SYAP1: variants seen among roughly 807,000 people sequenced by gnomAD.
SYAP1 encodes the protein synapse-associated protein 1.
A neutral mutation model predicts 29.6 loss-of-function variants in SYAP1; 3 were observed. The ratio of observed to expected loss-of-function variants is 0.10; its 90% CI spans 0.05 to 0.26. SYAP1 has a LOEUF of 0.26. SYAP1 is among the 10% of genes least tolerant of loss of function. The pLI is 1.00. For synonymous variants in SYAP1, 102 were observed against 102.7 expected, an observed-to-expected ratio of 0.99 and a Z score of 0.04; for missense variants, 217 against 264.1, an observed-to-expected ratio of 0.82 and a Z score of 1.24.
In SYAP1 at chrX:16,762,402, T is replaced by G. The variant is rs886171166; in HGVS notation, c.*2043T>G. On this transcript the variant is annotated 3_prime_UTR_variant, in exon 9 of 9. Transcript: ENST00000380155. Reference sequence around the variant, plus strand: ...ATATCTCATTTAAAAACAACCTAATTATGCATTGCCTGTGAAAATAAAAGG... The same window carrying G: ...ATATCTCATTTAAAAACAACCTAATGATGCATTGCCTGTGAAAATAAAAGG... The G allele has an allele frequency of 2.7e-5, 3 of 111,651 alleles. No individual in the cohort carries two copies. Among genetic ancestry groups the G allele is most frequent in the African/African-American group, 9.8e-5 (3 of 30,698 alleles). The allele number at this position is 111,651 out of a possible 1,213,427, so 9.2% of individuals were successfully genotyped here. A position where few individuals can be genotyped will look rare whatever the true frequency, so the allele number is the denominator to read the frequency against.
chrX:16,746,079 C>G (rs1926594285), intron 5 of SYAP1, among the ~76,000 whole-genome samples: 1 of 104,508 alleles, frequency 9.6e-6, no homozygotes, highest in Non-Finnish European at 1.9e-5. Flanking sequence ...ATCTTTTTTT[C>G]TTTGTAGTGA....
At chrX:16,726,611 A>G (rs1318986090) in intron 1 of SYAP1, among the ~76,000 whole-genome samples, 2 of 111,594 alleles carry the variant, frequency 1.8e-5, no homozygotes, top group East Asian at 5.6e-4. Context: ...GGCCTGCCGC[A>G]ATCCCCACTG....
At chrX:16,748,635 G>C (rs892201027) in intron 5 of SYAP1, among the ~76,000 whole-genome samples, 2 of 112,506 alleles carry the variant, frequency 1.8e-5, no homozygotes, top group African/African-American at 3.2e-5. Flanking sequence ...GCCTTGGCCT[G>C]TGACATTTGT....
intron 1 of SYAP1, among the ~76,000 whole-genome samples, chrX:16,729,766 G>A (rs1006602234): frequency 1.8e-5 from 2 of 111,282 alleles, no homozygotes; most frequent in Non-Finnish European, 3.8e-5. Flanking sequence ...ACAGGCATGA[G>A]CCACTGCGCC....
rs1926322159 is a variant in SYAP1 at position 16,736,091 on chromosome X, A to G, written c.295-75A>G. 4.5e-6 allele frequency: 3 copies of G among 662,021 alleles called. No individual in the cohort carries two copies. The Admixed American group carries it at 7.6e-5, about 17-fold the overall frequency. 54.6% of individuals were successfully genotyped at this position (662,021 alleles called of 1,213,427 possible). A position where few individuals can be genotyped will look rare whatever the true frequency, so the allele number is the denominator to read the frequency against. Reference sequence around the variant, plus strand: ...TGGCATTTCATTTATGTTGGTAGATATTTGAACTAAGGAAGTCATCAATTA... The same window carrying G: ...TGGCATTTCATTTATGTTGGTAGATGTTTGAACTAAGGAAGTCATCAATTA... On this transcript the variant is annotated intron_variant, in intron 2 of 8. Transcript: ENST00000380155.
At position 16,763,582 on chromosome X, in the gene SYAP1, T is replaced by TA. The variant is rs1174659199; in HGVS notation, c.*3223_*3224insA. ...GTTGGCCAGGCTGGTCTCAAGCTCCTGATCTCAAATGATCCGCACGCCTTG... is the reference window on the plus strand; with the variant it reads ...GTTGGCCAGGCTGGTCTCAAGCTCCTAGATCTCAAATGATCCGCACGCCTTG... On this transcript the variant is annotated 3_prime_UTR_variant, in exon 9 of 9. Transcript: ENST00000380155. The TA allele has an allele frequency of 1.8e-5, 2 of 110,111 alleles. No individual in the cohort carries two copies. The highest frequency in any genetic ancestry group is 3.8e-5 in the Non-Finnish European group (2 of 52,868). 9.1% of individuals were successfully genotyped at this position (110,111 alleles called of 1,213,427 possible).
chrX:16,759,536 G>A (rs1246827763), intron 8 of SYAP1, among the ~76,000 whole-genome samples: 2 of 111,882 alleles, frequency 1.8e-5, no homozygotes, highest in African/African-American at 6.5e-5. Flanking sequence ...GAAGACCAGT[G>A]TGAGAGCTCC....
rs1266739751 is a variant in SYAP1 at position 16,761,976 on chromosome X, C to A, written c.*1617C>A. On this transcript the variant is annotated 3_prime_UTR_variant, in exon 9 of 9. Coordinates refer to ENST00000380155, the MANE Select transcript of SYAP1 (RefSeq NM_032796.4). ...TGCATGTGTCTGAGCCAGACTGTCT[C>A]AACTGGAGTCTCTTGGGTTATAGCA... The A allele has an allele frequency of 9.0e-6, 1 of 111,652 alleles. No homozygotes were observed. The highest frequency in any genetic ancestry group is 1.9e-5 in the Non-Finnish European group (1 of 53,195). The allele number at this position is 111,652 out of a possible 1,213,427, so 9.2% of individuals were successfully genotyped here.
intron 5 of SYAP1, among the ~76,000 whole-genome samples, chrX:16,754,021 ATAGG>A (rs1257262359): frequency 9.0e-6 from 1 of 110,841 alleles, no homozygotes; most frequent in Non-Finnish European, 1.9e-5. Flanking sequence ...GGTGATTCTA[ATAGG>A]TAGCCAGGTT....
At chrX:16,724,108 C>T (rs1926028365) in intron 1 of SYAP1, among the ~76,000 whole-genome samples, 1 of 111,963 alleles carries the variant, frequency 8.9e-6, no homozygotes, top group Admixed American at 9.6e-5. Flanking sequence ...GTATTCATGG[C>T]CGTGATGTAT....
At chrX:16,739,341 T>C (rs1359340146) in intron 3 of SYAP1, among the ~76,000 whole-genome samples, 3 of 111,019 alleles carry the variant, frequency 2.7e-5, no homozygotes, top group East Asian at 5.6e-4. Flanking sequence ...GCTCGTGATA[T>C]GATATGTCTT....
intron 5 of SYAP1, among the ~76,000 whole-genome samples, chrX:16,750,168 C>T (rs768729671): frequency 1.3e-4 from 15 of 111,190 alleles, no homozygotes; most frequent in African/African-American, 4.6e-4. Context: ...GAATATAATG[C>T]GTTGTCTTAA....
intron 1 of SYAP1, among the ~76,000 whole-genome samples, chrX:16,720,811 G>C (rs1278991089): frequency 1.8e-5 from 2 of 110,986 alleles, no homozygotes; most frequent in East Asian, 2.8e-4. Flanking sequence ...TCAGCAGTTC[G>C]AGACCAGCCT....
intron 5 of SYAP1, among the ~76,000 whole-genome samples, chrX:16,747,684 A>G (rs1926637663): frequency 8.8e-6 from 1 of 113,138 alleles, no homozygotes; most frequent in African/African-American, 3.2e-5. Context: ...TCACAGGGCA[A>G]CCTGCCAATC....
In SYAP1 at chrX:16,736,261, TG is replaced by T. The variant is rs771290735; in HGVS notation, c.361+30del. 2.2e-5 allele frequency: 23 copies of T among 1,042,501 alleles called. No homozygotes were observed. In the African/African-American group the frequency reaches 3.3e-4, roughly 15 times the overall value. 85.9% of individuals were successfully genotyped at this position (1,042,501 alleles called of 1,213,427 possible). A position where few individuals can be genotyped will look rare whatever the true frequency, so the allele number is the denominator to read the frequency against. On this transcript the variant is annotated intron_variant, in intron 3 of 8. Transcript: ENST00000380155. ...TGGTATAGGTTTGTCTTAATTAACCTGCCAGGTTTTATTGAGCACCTGTTAT... is the reference window on the plus strand; with the variant it reads ...TGGTATAGGTTTGTCTTAATTAACCTCCAGGTTTTATTGAGCACCTGTTAT...
rs771133306 is a variant in SYAP1, at chrX:16,761,528, A to G, written c.*1169A>G. ...CTCTTTCTGCTATACCAGCAGACAC[A>G]TATTCATAGAATATGATTATTTTTA... On this transcript the variant is annotated 3_prime_UTR_variant, in exon 9 of 9. Transcript: ENST00000380155. The G allele has an allele frequency of 9.0e-6, 1 of 111,438 alleles. No individual in the cohort carries two copies. Among genetic ancestry groups the G allele is most frequent in the Non-Finnish European group, 1.9e-5 (1 of 53,163 alleles). 9.2% of individuals were successfully genotyped at this position (111,438 alleles called of 1,213,427 possible).
chrX:16,759,548 G>A (rs1926936552), intron 8 of SYAP1, among the ~76,000 whole-genome samples: 1 of 111,771 alleles, frequency 8.9e-6, no homozygotes, highest in African/African-American at 3.3e-5. Context: ...GAGAGCTCCA[G>A]TCAGAACACC....
chrX:16,760,545 A>T lies in SYAP1; in HGVS notation c.*186A>T. 3.4e-6 allele frequency: 1 copy of T among 297,874 alleles called. No individual in the cohort carries two copies. 24.5% of individuals were successfully genotyped at this position (297,874 alleles called of 1,213,427 possible). A position where few individuals can be genotyped will look rare whatever the true frequency, so the allele number is the denominator to read the frequency against. On this transcript the variant is annotated 3_prime_UTR_variant, in exon 9 of 9. Coordinates refer to ENST00000380155, the MANE Select transcript of SYAP1 (RefSeq NM_032796.4). ...AGTATATAGAACAGTTACTTCTAAT[A>T]ATCAGAAAGAGATGTTTTATAGAAC...
At chrX:16,747,732 T>C (rs996398013) in intron 5 of SYAP1, among the ~76,000 whole-genome samples, 3 of 113,087 alleles carry the variant, frequency 2.7e-5, no homozygotes, top group African/African-American at 9.6e-5. Context: ...TCCTACTAAT[T>C]TTGTTGAGGA....
Sources: allele counts gnomAD v4.1 joint callset (sites outside exome capture counted in the v4.1 genomes callset), GRCh38; gene constraint gnomAD v4.1.1; transcripts MANE v1.5; gene names NCBI Gene and HGNC (gene_info 2026-07-23, HGNC 2026-07-21).